Variants in TNRC6B observed in about 807,000 individuals in gnomAD.
TNRC6B encodes trinucleotide repeat containing adaptor 6B.
A neutral mutation model predicts 203.6 loss-of-function variants in TNRC6B; 52 were observed. The observed-to-expected ratio is 0.26, with a 90% CI of 0.20 to 0.32. The LOEUF (loss-of-function observed/expected upper bound fraction) is 0.32, where lower values mean the gene tolerates loss of function less well. TNRC6B is among the 10% of genes least tolerant of loss of function. The pLI, the probability that TNRC6B is intolerant of heterozygous loss-of-function variation, is 1.00. For synonymous variants in TNRC6B, 838 were observed against 845.7 expected (o/e 0.99, Z 0.16); for missense variants, 1,923 against 2,286.2 (o/e 0.84, Z 3.24).
At chr22:40,277,279 T>C in intron 8 of TNRC6B, 128 bp downstream of exon 8, 1 of 598,060 alleles carries the variant, frequency 1.7e-6, no homozygotes, top group South Asian at 3.2e-5. Flanking sequence ...GCAATGTTCT[T>C]GACCTTTTGA....
chr22:40,276,987 C>G, intron 7 of TNRC6B, 90 bp from the exon 8 acceptor site: 2 of 955,070 alleles, frequency 2.1e-6, no homozygotes, highest in Non-Finnish European at 3.0e-6. Flanking sequence ...AAAAGGTAAA[C>G]TCAAGTCTAC....
chr22:40,222,274 C>T (rs141699418), intron 1 of TNRC6B, among the ~76,000 whole-genome samples: 10 of 152,272 alleles, frequency 6.6e-5, no homozygotes, highest in African/African-American at 2.2e-4. Flanking sequence ...CTCTGCGTAC[C>T]GCTCTACAGA....
In TNRC6B at chr22:40,329,471, T is replaced by C. The variant is rs1473462054; in HGVS notation, c.*6230T>C. 4 of 151,954 alleles carry C rather than the reference T, an allele frequency of 2.6e-5. No individual in the cohort carries two copies. Among genetic ancestry groups the C allele is most frequent in the South Asian group, 2.1e-4 (1 of 4,820 alleles). The allele number at this position is 151,954 out of a possible 1,614,324, so 9.4% of individuals were successfully genotyped here. The stretch of plus-strand genomic sequence containing the variant: ...AAGTTTGACAAAGGGGGTGGTAATA[T>C]CACATTCTTTAGATTTGAAATAATT... On this transcript the variant is annotated 3_prime_UTR_variant, in exon 23 of 23. Transcript: ENST00000454349.
At chr22:40,283,967 A>T (rs539637287) in intron 11 of TNRC6B, among the ~76,000 whole-genome samples, 16 of 152,364 alleles carry the variant, frequency 1.1e-4, no homozygotes, top group African/African-American at 3.6e-4. Context: ...TAACTAAGTC[A>T]TTACTTTGAT....
At chr22:40,186,061 G>A (rs2069197873) in intron 1 of TNRC6B, among the ~76,000 whole-genome samples, 1 of 152,130 alleles carries the variant, frequency 6.6e-6, no homozygotes, top group South Asian at 2.1e-4. Context: ...AGACTTGGAA[G>A]GCTTCCACGT....
Position 40,273,447 on chromosome 22 carries a change from C to T in TNRC6B, c.2988C>T (p.Gly996=). Residue 996 remains glycine (G), a synonymous_variant, in exon 7 of 23, where the codon GGC becomes GGT. Coordinates refer to ENST00000454349, the MANE Select transcript of TNRC6B (RefSeq NM_001162501.2). ...AAGATTCCAAATCTATGCAAGACGGCTGGGGGGAGAGTGACGGGCCAGTCA... is the reference window on the plus strand; with the variant it reads ...AAGATTCCAAATCTATGCAAGACGGTTGGGGGGAGAGTGACGGGCCAGTCA... ...MKPNSKSMQD[G]WGESDGPVTG... is the part of the protein sequence containing the mutation. 1 of 1,609,564 alleles carries T rather than the reference C, an allele frequency of 6.2e-7. No homozygotes were observed. Among genetic ancestry groups the T allele is most frequent in the Non-Finnish European group, 8.5e-7 (1 of 1,178,000 alleles).
Position 40,280,047 on chromosome 22 carries a change from G to C in TNRC6B, c.3315G>C (p.Gly1105=), listed in dbSNP as rs757517798. ...TGGACAAGCGAGCGATGAATCTCGGGGATTTTAATGATATCATGAGGAAGG... is the reference window on the plus strand; with the variant it reads ...TGGACAAGCGAGCGATGAATCTCGGCGATTTTAATGATATCATGAGGAAGG... ...FDVDKRAMNL[G]DFNDIMRKDR... is the part of the protein sequence containing the mutation. The change falls in exon 10 of 23, where the codon GGG becomes GGC. Residue 1105 remains glycine (G), a synonymous_variant. Transcript: ENST00000454349. 3.7e-6 allele frequency: 6 copies of C among 1,613,812 alleles called. No individual in the cohort carries two copies. In the South Asian group the frequency reaches 5.5e-5, roughly 15 times the overall value.
intron 19 of TNRC6B, 26 bp downstream of exon 19, chr22:40,313,023 C>G (rs1205185672): frequency 2.5e-6 from 4 of 1,570,964 alleles, no homozygotes; most frequent in Non-Finnish European, 3.5e-6. Flanking sequence ...TTTTGTTTCC[C>G]TTTGGTTAGC....
chr22:40,323,351 A>G lies in TNRC6B; in HGVS notation c.*110A>G, dbSNP rs2071363849. On this transcript the variant is annotated 3_prime_UTR_variant, in exon 23 of 23. Transcript: ENST00000454349. ...TGCAATAAATACATTTTTAAAAGGA[A>G]AAAAGAAAACGGAGAGAAAAAAAGG... The G allele has an allele frequency of 7.2e-7, 1 of 1,386,070 alleles. No individual in the cohort carries two copies. 85.9% of individuals were successfully genotyped at this position (1,386,070 alleles called of 1,614,324 possible).
At chr22:40,300,389 A>G in intron 12 of TNRC6B, 66 bp from the exon 13 acceptor site, 4 of 1,413,522 alleles carry the variant, frequency 2.8e-6, no homozygotes, top group South Asian at 1.5e-5. Flanking sequence ...TCACAGAAAA[A>G]CAGTTTTATT....
chr22:40,319,256 C>T (rs2071301885), intron 21 of TNRC6B, among the ~76,000 whole-genome samples: 1 of 151,280 alleles, frequency 6.6e-6, no homozygotes, highest in Non-Finnish European at 1.5e-5. Flanking sequence ...GTGAGACCCC[C>T]CCCATCTCTG....
At chr22:40,284,991 C>T (rs966965869) in intron 11 of TNRC6B, among the ~76,000 whole-genome samples, 8 of 152,260 alleles carry the variant, frequency 5.3e-5, no homozygotes, top group East Asian at 1.9e-4. Flanking sequence ...GAGGGAGTTC[C>T]GCTTATTTTT....
chr22:40,319,254 C>A (rs1194180299), intron 21 of TNRC6B, among the ~76,000 whole-genome samples: 1 of 150,976 alleles, frequency 6.6e-6, no homozygotes, highest in Non-Finnish European at 1.5e-5. Flanking sequence ...GAGTGAGACC[C>A]CCCCCATCTC....
chr22:40,106,584 C>T (rs879056317), intron 1 of TNRC6B: 15 of 728,094 alleles, frequency 2.1e-5, no homozygotes, highest in South Asian at 9.9e-5. Context: ...TTACTGAATT[C>T]TCCATAACCA....
intron 1 of TNRC6B, among the ~76,000 whole-genome samples, chr22:40,191,773 C>CA (rs2146394398): frequency 6.6e-6 from 1 of 152,238 alleles, no homozygotes; most frequent in South Asian, 2.1e-4. Flanking sequence ...TATTTAGAGA[C>CA]AGAGTCTCAT....
chr22:40,139,939 T>G (rs975486496), intron 3 of TNRC6B, among the ~76,000 whole-genome samples: 2 of 152,116 alleles, frequency 1.3e-5, no homozygotes, highest in Admixed American at 6.6e-5. Flanking sequence ...ATACTTGTTA[T>G]TGTCATCCAA....
At chr22:40,291,881 A>G (rs2070873358) in intron 12 of TNRC6B, among the ~76,000 whole-genome samples, 1 of 152,238 alleles carries the variant, frequency 6.6e-6, no homozygotes, top group East Asian at 1.9e-4. Context: ...AGGGGCAATC[A>G]GTAGTTAATG....
chr22:40,094,037 A>G (rs1319492659), intron 1 of TNRC6B, among the ~76,000 whole-genome samples: 1 of 152,166 alleles, frequency 6.6e-6, no homozygotes, highest in Non-Finnish European at 1.5e-5. Context: ...CATGTTGTAT[A>G]CCTGTATCAA....
intron 1 of TNRC6B, among the ~76,000 whole-genome samples, chr22:40,101,024 A>C: frequency 6.9e-6 from 1 of 145,146 alleles, no homozygotes. Flanking sequence ...ATGGAGTCTC[A>C]CTCTGTTGCC....
Sources: gnomAD v4.1 joint callset for allele counts (sites outside exome capture counted in the v4.1 genomes callset) on GRCh38, gnomAD v4.1.1 for gene constraint, MANE v1.5 for transcripts, NCBI Gene and HGNC (gene_info 2026-07-23, HGNC 2026-07-21) for gene names.